The following ZC3H12B variants were observed in gnomAD, a reference collection of about 807,000 sequenced individuals.
ZC3H12B encodes the protein zinc finger CCCH-type containing 12B.
Under a neutral mutation model 43.9 loss-of-function variants are expected in ZC3H12B, and 7 were observed. That is an observed-to-expected ratio of 0.16 (90% CI 0.09 to 0.30). ZC3H12B has a LOEUF of 0.30. Ranked by LOEUF, ZC3H12B falls within the 10% of genes least tolerant of loss-of-function variation. The probability of loss-of-function intolerance (pLI) is 1.00; values close to 1 mark genes in which losing one functional copy is unlikely to be tolerated. For missense variants in ZC3H12B, 475 were observed against 670.2 expected, an observed-to-expected ratio of 0.71 and a Z score of 3.22; for synonymous variants, 222 against 241.7, an observed-to-expected ratio of 0.92 and a Z score of 0.76.
At chrX:65,255,629 A>T in the ZC3H12B span, among the ~76,000 whole-genome samples, 1 of 112,164 alleles carries the variant, frequency 8.9e-6, no homozygotes, top group Non-Finnish European at 1.9e-5. Context: ...GCAACCATAC[A>T]AAAAGTCTGC....
chrX:65,452,960 A>T (rs2067540502), intron 3 of ZC3H12B, among the ~76,000 whole-genome samples: 1 of 110,513 alleles, frequency 9.0e-6, no homozygotes, highest in South Asian at 3.9e-4. Flanking sequence ...TGCAGTTCCC[A>T]TCAAAATGCC....
chrX:65,162,340 T>C, the ZC3H12B span, among the ~76,000 whole-genome samples: 1 of 112,236 alleles, frequency 8.9e-6, no homozygotes, highest in Non-Finnish European at 1.9e-5. Context: ...CAAGTTCTCC[T>C]GGATAATATC....
chrX:65,121,906 T>C, the ZC3H12B span, among the ~76,000 whole-genome samples: 14 of 111,826 alleles, frequency 1.3e-4, no homozygotes, highest in Non-Finnish European at 1.7e-4. Context: ...CCTTATGTAG[T>C]CAGTAGTCAT....
At chrX:65,043,153 A>G in the ZC3H12B span, among the ~76,000 whole-genome samples, 1 of 111,417 alleles carries the variant, frequency 9.0e-6, no homozygotes, top group Non-Finnish European at 1.9e-5. Context: ...AAATATGGTT[A>G]TTAGGCCCCA....
upstream of ZC3H12B, among the ~76,000 whole-genome samples, chrX:65,365,119 G>A: frequency 9.0e-6 from 1 of 110,824 alleles, no homozygotes; most frequent in Middle Eastern, 4.7e-3. Context: ...GTATTCAGTG[G>A]AACCTTCATA....
At chrX:65,219,781 A>G in the ZC3H12B span, among the ~76,000 whole-genome samples, 3 of 105,801 alleles carry the variant, frequency 2.8e-5, no homozygotes, top group Non-Finnish European at 5.8e-5. Flanking sequence ...CTAGACATCC[A>G]AATACAAGAA....
the ZC3H12B span, among the ~76,000 whole-genome samples, chrX:65,044,757 C>G: frequency 9.0e-6 from 1 of 111,048 alleles, no homozygotes; most frequent in African/African-American, 3.3e-5. Flanking sequence ...ATTGCAGGTT[C>G]AGTTTCAGAT....
At chrX:65,206,525 G>A in the ZC3H12B span, among the ~76,000 whole-genome samples, 3 of 111,907 alleles carry the variant, frequency 2.7e-5, no homozygotes, top group East Asian at 8.4e-4. Flanking sequence ...GATGGATTAA[G>A]GATTTAAATG....
chrX:65,146,755 T>C, the ZC3H12B span, among the ~76,000 whole-genome samples: 2 of 111,829 alleles, frequency 1.8e-5, no homozygotes, highest in Non-Finnish European at 3.8e-5. Context: ...ACCCAGCAAG[T>C]CTGCCAGGCT....
At chrX:65,386,216 G>T (rs1041444102) in intron 2 of ZC3H12B, among the ~76,000 whole-genome samples, 6 of 111,662 alleles carry the variant, frequency 5.4e-5, no homozygotes, top group African/African-American at 2.0e-4. Context: ...GTTTCAGAAG[G>T]AATGGTACCA....
At chrX:65,478,915 G>GT (rs763834737) in intron 3 of ZC3H12B, among the ~76,000 whole-genome samples, 3 of 111,673 alleles carry the variant, frequency 2.7e-5, no homozygotes, top group Non-Finnish European at 5.6e-5. Flanking sequence ...TTCCTTTAAA[G>GT]TTTTTTTTGT....
At chrX:65,479,852 A>G (rs969301925) in intron 3 of ZC3H12B, among the ~76,000 whole-genome samples, 2 of 112,679 alleles carry the variant, frequency 1.8e-5, no homozygotes, top group African/African-American at 3.2e-5. Flanking sequence ...GGGCCAGAGC[A>G]TAGGGGCTCA....
chrX:65,202,528 G>A, the ZC3H12B span, among the ~76,000 whole-genome samples: 1 of 110,009 alleles, frequency 9.1e-6, no homozygotes, highest in Non-Finnish European at 1.9e-5. Flanking sequence ...CAGAAGATGT[G>A]TCTGGGTTAC....
the ZC3H12B span, among the ~76,000 whole-genome samples, chrX:65,182,353 G>A: frequency 9.0e-6 from 1 of 111,113 alleles, no homozygotes; most frequent in Non-Finnish European, 1.9e-5. Flanking sequence ...AACCACCATA[G>A]CACATGTTTA....
chrX:65,469,470 A>G, intron 3 of ZC3H12B: 2 of 392,458 alleles, frequency 5.1e-6, no homozygotes, highest in South Asian at 4.6e-5. Context: ...CTTCGAGCTC[A>G]CTGGCTGCCA....
the ZC3H12B span, among the ~76,000 whole-genome samples, chrX:65,241,415 T>A: frequency 1.0e-5 from 1 of 98,853 alleles, no homozygotes; most frequent in Non-Finnish European, 2.0e-5. Context: ...AGGCTAGAAC[T>A]GCCTAGTTGA....
chrX:65,335,688 G>A, the ZC3H12B span, among the ~76,000 whole-genome samples: 1 of 111,868 alleles, frequency 8.9e-6, no homozygotes, highest in African/African-American at 3.2e-5. Context: ...AGCCTTAACT[G>A]CCAGACTACA....
At chrX:65,138,994 CTCA>C in the ZC3H12B span, among the ~76,000 whole-genome samples, 1 of 112,018 alleles carries the variant, frequency 8.9e-6, no homozygotes, top group Non-Finnish European at 1.9e-5. Flanking sequence ...ATATTATCCT[CTCA>C]TCAGGTCTAT....
chrX:65,084,671 A>T, the ZC3H12B span, among the ~76,000 whole-genome samples: 19 of 112,930 alleles, frequency 1.7e-4, no homozygotes, highest in Non-Finnish European at 3.4e-4. Context: ...AACATAAGTT[A>T]TTACAACCAC....
Sources: allele counts gnomAD v4.1 joint callset (sites outside exome capture counted in the v4.1 genomes callset), GRCh38; gene constraint gnomAD v4.1.1; transcripts MANE v1.5; gene names NCBI Gene and HGNC (gene_info 2026-07-23, HGNC 2026-07-21).